The following CCDC85A variants were observed in gnomAD, a reference collection of about 807,000 sequenced individuals.
CCDC85A encodes the protein coiled-coil domain containing 85A.
A neutral mutation model predicts 50.2 loss-of-function variants in CCDC85A; 38 were observed. That is an observed-to-expected ratio of 0.76 (90% CI 0.58 to 0.99). CCDC85A has a LOEUF of 0.99. Ranked by LOEUF, CCDC85A falls within the 50% of genes least tolerant of loss-of-function variation. The probability of loss-of-function intolerance (pLI) is 0.00; values close to 1 mark genes in which losing one functional copy is unlikely to be tolerated. For synonymous variants in CCDC85A, 366 were observed against 301.4 expected, an observed-to-expected ratio of 1.21 and a Z score of -2.22; for missense variants, 820 against 742.0, an observed-to-expected ratio of 1.11 and a Z score of -1.22.
At chr2:56,373,345 C>T (rs905194827) in intron 4 of CCDC85A, among the ~76,000 whole-genome samples, 22 of 151,392 alleles carry the variant, frequency 1.5e-4, no homozygotes, top group African/African-American at 4.9e-4. Flanking sequence ...ACTATTGTAG[C>T]CCCCATCCCA....
intron 2 of CCDC85A, among the ~76,000 whole-genome samples, chr2:56,289,705 A>C (rs535283638): frequency 1.3e-5 from 2 of 152,286 alleles, no homozygotes; most frequent in South Asian, 4.1e-4. Flanking sequence ...TCTGCTTTCC[A>C]TCTACTTTTT....
At chr2:56,191,699 C>G (rs1023444839) in intron 1 of CCDC85A, among the ~76,000 whole-genome samples, 5 of 152,148 alleles carry the variant, frequency 3.3e-5, no homozygotes, top group African/African-American at 4.8e-5. Flanking sequence ...GGAGAGAGGT[C>G]TCTTAATTTA....
At chr2:56,246,579 T>C (rs7563888) in intron 2 of CCDC85A, among the ~76,000 whole-genome samples, 68,121 of 151,968 alleles carry the variant, frequency 0.45, 16,242 homozygotes, top group African/African-American at 0.62. Flanking sequence ...CTTGATTCTT[T>C]TTTTGTGGAT....
intron 2 of CCDC85A, among the ~76,000 whole-genome samples, chr2:56,280,630 GA>G (rs760836693): frequency 6.6e-6 from 1 of 151,944 alleles, no homozygotes; most frequent in Non-Finnish European, 1.5e-5. Context: ...CAACTAATAC[GA>G]CAAATCCTTA....
At chr2:56,329,945 GTTTTTTTTTTTTT>G (rs535050957) in intron 2 of CCDC85A, among the ~76,000 whole-genome samples, 827 of 44,172 alleles carry the variant, frequency 0.019, 30 homozygotes, top group South Asian at 0.092. Flanking sequence ...CAGATTTCCT[GTTTTTTTTTTTTT>G]TTTTTTTTTT....
intron 3 of CCDC85A, among the ~76,000 whole-genome samples, chr2:56,352,579 C>G (rs948907852): frequency 6.6e-6 from 1 of 152,180 alleles, no homozygotes; most frequent in East Asian, 1.9e-4. Context: ...CTCCTGGCCT[C>G]AAGTGATCCT....
At chr2:56,292,822 A>T (rs1671777971) in intron 2 of CCDC85A, among the ~76,000 whole-genome samples, 1 of 152,178 alleles carries the variant, frequency 6.6e-6, no homozygotes, top group African/African-American at 2.4e-5. Flanking sequence ...CCCATCATTG[A>T]CATTTATGAT....
intron 2 of CCDC85A, among the ~76,000 whole-genome samples, chr2:56,294,010 G>A (rs1671837268): frequency 6.6e-6 from 1 of 152,166 alleles, no homozygotes; most frequent in African/African-American, 2.4e-5. Flanking sequence ...ATACACTTAT[G>A]TTTATTGCAG....
chr2:56,212,461 A>T (rs1252904764), intron 2 of CCDC85A, among the ~76,000 whole-genome samples: 1 of 152,008 alleles, frequency 6.6e-6, no homozygotes, highest in African/African-American at 2.4e-5. Context: ...AATGGGAGAG[A>T]GGACCCTTTG....
At chr2:56,338,204 T>C (rs115362088) in intron 2 of CCDC85A, among the ~76,000 whole-genome samples, 49 of 152,290 alleles carry the variant, frequency 3.2e-4, no homozygotes, top group African/African-American at 1.1e-3. Context: ...GAAATCTCAG[T>C]TTTATGAAGC....
At chr2:56,200,301 A>C (rs1676682034) in intron 2 of CCDC85A, among the ~76,000 whole-genome samples, 1 of 152,212 alleles carries the variant, frequency 6.6e-6, no homozygotes, top group African/African-American at 2.4e-5. Flanking sequence ...TTAATACATA[A>C]TATTTATGGT....
chr2:56,340,674 G>A lies in CCDC85A; in HGVS notation c.1241-2205G>A, dbSNP rs1304870311. On this transcript the variant is annotated intron_variant, in intron 2 of 5. Coordinates refer to ENST00000407595, the MANE Select transcript of CCDC85A (RefSeq NM_001080433.2). ...GAGGATCTTTTGAGGTCGGGAGTTC[G>A]AGACCAGCCTGACCAACATGGAGAA... 3.9e-5 allele frequency among the ~76,000 whole-genome samples: 6 copies of A among 151,954 alleles called. No homozygotes were observed. In the East Asian group the frequency reaches 9.7e-4, roughly 24 times the overall value.
At chr2:56,343,078 A>G (rs1674456536) in intron 3 of CCDC85A, 123 bp downstream of exon 3, 1 of 652,636 alleles carries the variant, frequency 1.5e-6, no homozygotes, top group African/African-American at 1.8e-5. Flanking sequence ...GTAAATAGCC[A>G]TTCATCAATG....
intron 2 of CCDC85A, among the ~76,000 whole-genome samples, chr2:56,335,100 A>AT (rs562149975): frequency 2.6e-5 from 4 of 152,056 alleles, no homozygotes; most frequent in Admixed American, 6.6e-5. Flanking sequence ...GTTCCAACAA[A>AT]TTTTTTTTAA....
intron 3 of CCDC85A, among the ~76,000 whole-genome samples, chr2:56,350,005 G>GA (rs944835003): frequency 2.7e-5 from 4 of 149,126 alleles, no homozygotes; most frequent in South Asian, 2.1e-4. Context: ...GGAATATTTG[G>GA]AAAAAAAATG....
intron 3 of CCDC85A, among the ~76,000 whole-genome samples, chr2:56,352,141 C>T (rs72916154): frequency 0.14 from 21,997 of 152,070 alleles, 1,728 homozygotes; most frequent in East Asian, 0.26. Flanking sequence ...GGAAAGTGAA[C>T]ATGCTTATAA....
At chr2:56,254,409 C>T (rs557361585) in intron 2 of CCDC85A, among the ~76,000 whole-genome samples, 407 of 151,910 alleles carry the variant, frequency 2.7e-3, no homozygotes, top group Admixed American at 4.1e-3. Flanking sequence ...AATAGAGATA[C>T]GACATTTATT....
At chr2:56,231,821 ATCC>A (rs1330961683) in intron 2 of CCDC85A, among the ~76,000 whole-genome samples, 1 of 152,122 alleles carries the variant, frequency 6.6e-6, no homozygotes, top group Non-Finnish European at 1.5e-5. Context: ...TTCTTGTCTC[ATCC>A]TACTCCAGTA....
At chr2:56,220,654 C>G (rs1028568644) in intron 2 of CCDC85A, among the ~76,000 whole-genome samples, 4 of 151,956 alleles carry the variant, frequency 2.6e-5, no homozygotes, top group Non-Finnish European at 5.9e-5. Context: ...TATTTCTTCT[C>G]AGTAGTGAAA....
Sources: gnomAD v4.1 joint callset for allele counts (sites outside exome capture counted in the v4.1 genomes callset) on GRCh38, gnomAD v4.1.1 for gene constraint, MANE v1.5 for transcripts, NCBI Gene and HGNC (gene_info 2026-07-23, HGNC 2026-07-21) for gene names.